Variants in FOXN3 observed in about 807,000 individuals in gnomAD.
The protein encoded by FOXN3 is forkhead box N3, also known as forkhead box protein N3.
FOXN3 carries 7 observed loss-of-function variants against 38.4 expected under a neutral mutation model. That is an observed-to-expected ratio of 0.18 (90% CI 0.10 to 0.34). The LOEUF is 0.34. Ranked by LOEUF, FOXN3 falls within the 10% of genes least tolerant of loss-of-function variation. The pLI, the probability that FOXN3 is intolerant of heterozygous loss-of-function variation, is 1.00. For synonymous variants in FOXN3, 230 were observed against 242.2 expected, an observed-to-expected ratio of 0.95 and a Z score of 0.47; for missense variants, 456 against 613.4, an observed-to-expected ratio of 0.74 and a Z score of 2.71.
intron 4 of FOXN3, among the ~76,000 whole-genome samples, chr14:89,186,652 A>T (rs1006892999): frequency 6.6e-6 from 1 of 152,138 alleles, no homozygotes; most frequent in African/African-American, 2.4e-5. Context: ...CATCCTATAG[A>T]GCGCGTGAGA....
intron 4 of FOXN3, among the ~76,000 whole-genome samples, chr14:89,278,900 T>C (rs932016908): frequency 1.3e-5 from 2 of 152,172 alleles, no homozygotes; most frequent in African/African-American, 4.8e-5. Context: ...CTGGCATGAC[T>C]GGACAGTCCC....
chr14:89,207,960 C>G (rs61985226), intron 4 of FOXN3, among the ~76,000 whole-genome samples: 58,078 of 151,348 alleles, frequency 0.38, 11,323 homozygotes, highest in Non-Finnish European at 0.4. Context: ...GCACAGCAGG[C>G]CCAAGTGTGT....
chr14:89,350,957 G>C, intron 2 of FOXN3, 149 bp from the exon 3 acceptor site: 1 of 489,236 alleles, frequency 2.0e-6, no homozygotes, highest in South Asian at 6.5e-5. Flanking sequence ...ACTGACAGTA[G>C]AACTCCATAA....
At chr14:89,278,522 A>G (rs1886366683) in intron 4 of FOXN3, among the ~76,000 whole-genome samples, 1 of 152,018 alleles carries the variant, frequency 6.6e-6, no homozygotes, top group African/African-American at 2.4e-5. Context: ...GTGATCCATA[A>G]CTCATGATCC....
At chr14:89,436,999 T>C (rs901169663) in intron 1 of FOXN3, among the ~76,000 whole-genome samples, 2 of 151,806 alleles carry the variant, frequency 1.3e-5, no homozygotes, top group African/African-American at 4.8e-5. Context: ...ATACAAAAAT[T>C]AGCCAGGCGT....
intron 1 of FOXN3, among the ~76,000 whole-genome samples, chr14:89,581,070 T>C (rs1375980973): frequency 1.3e-5 from 2 of 151,438 alleles, no homozygotes; most frequent in Admixed American, 6.6e-5. Context: ...TAGTCCCAGT[T>C]ACTTGGGAGG....
intron 4 of FOXN3, among the ~76,000 whole-genome samples, chr14:89,209,552 A>C (rs543705882): frequency 2.0e-5 from 3 of 152,350 alleles, no homozygotes; most frequent in Admixed American, 2.0e-4. Context: ...ATGGGCTTTG[A>C]ATAAATGGCC....
chr14:89,214,132 T>C (rs1003661143), intron 4 of FOXN3, among the ~76,000 whole-genome samples: 2 of 151,350 alleles, frequency 1.3e-5, no homozygotes, highest in African/African-American at 4.9e-5. Flanking sequence ...CTTTTTTGTT[T>C]GTTTGTTTAA....
chr14:89,433,334 T>C (rs996268210), intron 1 of FOXN3, among the ~76,000 whole-genome samples: 2 of 151,960 alleles, frequency 1.3e-5, no homozygotes, highest in Non-Finnish European at 2.9e-5. Context: ...ATACAAAAAT[T>C]AGTTGGGCGT....
intron 1 of FOXN3, among the ~76,000 whole-genome samples, chr14:89,498,085 C>T (rs1024645427): frequency 6.6e-6 from 1 of 151,972 alleles, no homozygotes; most frequent in Non-Finnish European, 1.5e-5. Context: ...AAGTCCTTTG[C>T]CCATTTTTGA....
At chr14:89,347,855 G>A (rs890661572) in intron 3 of FOXN3, among the ~76,000 whole-genome samples, 7 of 152,148 alleles carry the variant, frequency 4.6e-5, no homozygotes, top group African/African-American at 1.7e-4. Flanking sequence ...TCAGGCGGCT[G>A]AGGCAGAAGA....
At chr14:89,446,291 C>T (rs1029482330) in intron 1 of FOXN3, among the ~76,000 whole-genome samples, 23 of 143,528 alleles carry the variant, frequency 1.6e-4, no homozygotes, top group African/African-American at 5.6e-4. Context: ...TGGGTTCAAG[C>T]GATTCTCCTG....
chr14:89,549,016 G>GC (rs1241389756), intron 1 of FOXN3, among the ~76,000 whole-genome samples: 12 of 151,890 alleles, frequency 7.9e-5, no homozygotes, highest in African/African-American at 2.7e-4. Context: ...CTACTCGGGA[G>GC]GCTGAGACAG....
intron 1 of FOXN3, among the ~76,000 whole-genome samples, chr14:89,497,025 G>C (rs1007017736): frequency 2.0e-5 from 3 of 152,258 alleles, no homozygotes; most frequent in African/African-American, 7.2e-5. Context: ...CGCAATCTCA[G>C]CTTACTGCAA....
intron 2 of FOXN3, among the ~76,000 whole-genome samples, chr14:89,369,174 G>A (rs1890240475): frequency 1.3e-5 from 2 of 152,092 alleles, no homozygotes; most frequent in South Asian, 4.1e-4. Context: ...TTATTGATTA[G>A]GATTTCCAAA....
intron 3 of FOXN3, among the ~76,000 whole-genome samples, chr14:89,334,489 A>T (rs1339894877): frequency 6.6e-6 from 1 of 152,052 alleles, no homozygotes; most frequent in Non-Finnish European, 1.5e-5. Flanking sequence ...GCACACCTGT[A>T]GTCTCAGCTA....
At chr14:89,567,600 G>C (rs914551859) in intron 1 of FOXN3, among the ~76,000 whole-genome samples, 1 of 151,892 alleles carries the variant, frequency 6.6e-6, no homozygotes, top group African/African-American at 2.4e-5. Flanking sequence ...TAGGTACAAA[G>C]TGGTACCAAG....
chr14:89,478,117 T>G (rs1893249821), intron 1 of FOXN3, among the ~76,000 whole-genome samples: 2 of 152,140 alleles, frequency 1.3e-5, no homozygotes. Context: ...TGGTGATAAG[T>G]GTGTTCTCAC....
intron 1 of FOXN3, among the ~76,000 whole-genome samples, chr14:89,442,874 A>C (rs942941729): frequency 6.6e-6 from 1 of 152,238 alleles, no homozygotes; most frequent in African/African-American, 2.4e-5. Flanking sequence ...GAATGGTCTT[A>C]GGTGCTTTCA....
Sources: allele counts gnomAD v4.1 joint callset (sites outside exome capture counted in the v4.1 genomes callset), GRCh38; gene constraint gnomAD v4.1.1; transcripts MANE v1.5; gene names NCBI Gene and HGNC (gene_info 2026-07-23, HGNC 2026-07-21).